NAPG: variants seen among roughly 807,000 people sequenced by gnomAD.
NAPG encodes the protein NSF attachment protein gamma.
A neutral mutation model predicts 48.4 loss-of-function variants in NAPG; 25 were observed. The observed-to-expected ratio is 0.52, with a 90% CI of 0.38 to 0.72. NAPG has a LOEUF of 0.72. Ranked by LOEUF, NAPG falls within the 30% of genes least tolerant of loss-of-function variation. The pLI, the probability that NAPG is intolerant of heterozygous loss-of-function variation, is 0.00. For synonymous variants in NAPG, 139 were observed against 127.2 expected (o/e 1.09, Z -0.62); for missense variants, 359 against 372.5 (o/e 0.96, Z 0.30).
At chr18:10,541,340 T>G (rs1360146817) in intron 8 of NAPG, among the ~76,000 whole-genome samples, 1 of 152,182 alleles carries the variant, frequency 6.6e-6, no homozygotes, top group Non-Finnish European at 1.5e-5. Flanking sequence ...GAAGGAAAGT[T>G]TAATTTAAAT....
chr18:10,537,478 G>A (rs1377172884), intron 5 of NAPG, among the ~76,000 whole-genome samples: 1 of 152,162 alleles, frequency 6.6e-6, no homozygotes, highest in African/African-American at 2.4e-5. Context: ...GGCTGAGGAG[G>A]AGGAAGAGGA....
At position 10,539,697 on chromosome 18, in the gene NAPG, T is replaced by G. The variant is rs1317347577; in HGVS notation, c.259-65T>G. The G allele has an allele frequency of 1.0e-5, 13 of 1,249,000 alleles. No individual in the cohort carries two copies. Among genetic ancestry groups the G allele is most frequent in the Non-Finnish European group, 1.5e-5 (13 of 859,844 alleles). The allele number at this position is 1,249,000 out of a possible 1,614,324, so 77.4% of individuals were successfully genotyped here. A position where few individuals can be genotyped will look rare whatever the true frequency, so the allele number is the denominator to read the frequency against. ...AATAAAAAATAATTGCATTTCAGATTGTTAACTCTGTTTTTCTTTAATTGA... is the reference window on the plus strand; with the variant it reads ...AATAAAAAATAATTGCATTTCAGATGGTTAACTCTGTTTTTCTTTAATTGA... On this transcript the variant is annotated intron_variant, in intron 5 of 11. Coordinates refer to ENST00000322897, the MANE Select transcript of NAPG (RefSeq NM_003826.3). The surrounding 1 kb of genome is among the most constrained non-coding windows in gnomAD (Gnocchi z 4.7).
At chr18:10,547,427 C>T (rs974840336) in intron 9 of NAPG, among the ~76,000 whole-genome samples, 5 of 152,150 alleles carry the variant, frequency 3.3e-5, no homozygotes, top group African/African-American at 1.2e-4. Context: ...CTGATGGCAA[C>T]CCGGCAGTGA....
intron 11 of NAPG, among the ~76,000 whole-genome samples, chr18:10,549,602 A>T (rs1452956157): frequency 6.6e-6 from 1 of 152,224 alleles, no homozygotes; most frequent in Non-Finnish European, 1.5e-5. Context: ...TACATTAGTC[A>T]GTGTGTGAGA....
At chr18:10,532,380 T>C (rs950311577) in intron 2 of NAPG, among the ~76,000 whole-genome samples, 1 of 152,208 alleles carries the variant, frequency 6.6e-6, no homozygotes, top group Non-Finnish European at 1.5e-5. Flanking sequence ...GTGCTGTCTT[T>C]TGTGACTGAA....
At chr18:10,547,118 G>A (rs2032284509) in intron 9 of NAPG, among the ~76,000 whole-genome samples, 1 of 152,220 alleles carries the variant, frequency 6.6e-6, no homozygotes, top group African/African-American at 2.4e-5. Context: ...GCAGCGCAAA[G>A]CTTGGAGAGC....
chr18:10,533,483 A>T, intron 3 of NAPG, 53 bp from the exon 4 acceptor site: 1 of 1,512,168 alleles, frequency 6.6e-7, no homozygotes, highest in Non-Finnish European at 9.0e-7. Flanking sequence ...ATCTATAGAA[A>T]CTATTGATTT....
At position 10,539,799 on chromosome 18, in the gene NAPG, A is replaced by T. The variant is rs747839759; in HGVS notation, c.296A>T (p.Glu99Val). Reference sequence around the variant, plus strand: ...CTACCAGAGGCCGTTCAGCTAATTGAGAAGGCCAGCATGATGTATCTAGAA... The same window carrying T: ...CTACCAGAGGCCGTTCAGCTAATTGTGAAGGCCAGCATGATGTATCTAGAA... ...QKLPEAVQLI[E>V]KASMMYLENG... The change falls in exon 6 of 12, where the codon GAG becomes GTG. Residue 99 changes from glutamate to valine, a missense_variant. Glu to Val is a moderately radical substitution (Grantham distance 121, BLOSUM62 -2). Transcript: ENST00000322897. The surrounding 1 kb of genome is among the most constrained non-coding windows in gnomAD (Gnocchi z 4.7). The T allele has an allele frequency of 1.2e-6, 2 of 1,614,032 alleles. No individual in the cohort carries two copies. Among genetic ancestry groups the T allele is most frequent in the South Asian group, 2.2e-5 (2 of 91,088 alleles).
chr18:10,530,812 T>G lies in NAPG; in HGVS notation c.99T>G (p.Ser33Arg). 1.3e-6 allele frequency: 2 copies of G among 1,587,186 alleles called. No individual in the cohort carries two copies. Among genetic ancestry groups the G allele is most frequent in the African/African-American group, 1.4e-5 (1 of 73,876 alleles). ...GFLKWKPDYD[S>R]AASEYGKAAV... ...TAAAATGGAAGCCAGATTATGACAG[T>G]GCCGCTTCTGAATATGGAAAAGCAG... The change falls in exon 2 of 12, where the codon AGT becomes AGG. Residue 33 changes from serine to arginine, a missense_variant. Transcript: ENST00000322897.
chr18:10,536,856 A>C (rs1274432834), intron 5 of NAPG, among the ~76,000 whole-genome samples: 1 of 152,126 alleles, frequency 6.6e-6, no homozygotes, highest in African/African-American at 2.4e-5. Flanking sequence ...GAGGAAATAC[A>C]GTTGACCCTT....
chr18:10,535,629 C>T (rs371845647), intron 5 of NAPG, among the ~76,000 whole-genome samples: 30 of 152,140 alleles, frequency 2.0e-4, no homozygotes, highest in African/African-American at 6.7e-4. Flanking sequence ...GGCATGGTGG[C>T]GGGCGCCTGT....
At chr18:10,529,745 C>G (rs983871592) in intron 1 of NAPG, among the ~76,000 whole-genome samples, 51 of 151,998 alleles carry the variant, frequency 3.4e-4, no homozygotes, top group Admixed American at 3.3e-3. Context: ...AGAGCGAGAC[C>G]CTATCTCAAG....
intron 8 of NAPG, among the ~76,000 whole-genome samples, chr18:10,541,028 A>G (rs1398565164): frequency 1.3e-5 from 2 of 152,156 alleles, no homozygotes; most frequent in African/African-American, 2.4e-5. Context: ...AATTTGTCCA[A>G]AGCTTCCCAG....
At position 10,546,967 on chromosome 18, in the gene NAPG, A is replaced by G. The variant is rs2032280322; in HGVS notation, c.585+563A>G. Among the ~76,000 whole-genome samples, 1 of 152,198 alleles carries G rather than the reference A, an allele frequency of 6.6e-6. No homozygotes were observed. Among genetic ancestry groups the G allele is most frequent in the Non-Finnish European group, 1.5e-5 (1 of 68,034 alleles). ...GACCCCAGTCTCTTTTGCCAGAGGA[A>G]CTAGGAAAATGAGCTAGAGAGCAAG... On this transcript the variant is annotated intron_variant, in intron 9 of 11. Transcript: ENST00000322897. This position sits in a 1 kb window ranked among gnomAD's most constrained non-coding sequence, Gnocchi z 4.0.
chr18:10,536,043 GT>G (rs1029601865), intron 5 of NAPG, among the ~76,000 whole-genome samples: 1 of 152,152 alleles, frequency 6.6e-6, no homozygotes, highest in South Asian at 2.1e-4. Flanking sequence ...CTTCATGCCT[GT>G]TTAAGAAATG....
intron 2 of NAPG, 77 bp downstream of exon 2, chr18:10,530,914 T>TA: frequency 8.8e-7 from 1 of 1,135,830 alleles, no homozygotes; most frequent in East Asian, 2.8e-5. Flanking sequence ...CCATAATACT[T>TA]ACTCATATGC....
chr18:10,536,760 A>T (rs2032041405), intron 5 of NAPG, among the ~76,000 whole-genome samples: 1 of 152,114 alleles, frequency 6.6e-6, no homozygotes, highest in African/African-American at 2.4e-5. Context: ...CATGACGAAT[A>T]GTTCCTGTGG....
In NAPG at chr18:10,534,517, ATTG is replaced by A. The variant is rs774136382; in HGVS notation, c.258+26_258+28del. 1 of 1,611,138 alleles carries A rather than the reference ATTG, an allele frequency of 6.2e-7. No individual in the cohort carries two copies. Among genetic ancestry groups the A allele is most frequent in the Admixed American group, 1.7e-5 (1 of 59,994 alleles). On this transcript the variant is annotated intron_variant, in intron 5 of 11. Coordinates refer to ENST00000322897, the MANE Select transcript of NAPG (RefSeq NM_003826.3). This position sits in a 1 kb window ranked among gnomAD's most constrained non-coding sequence, Gnocchi z 5.0. ...TGAAGGTCAGTAATGTTATGTCACA[ATTG>A]TTGTGTAGGTAAAATGAATTAACTA... is the stretch of plus-strand genomic sequence containing the variant.
intron 1 of NAPG, chr18:10,526,844 C>G (rs544127365): frequency 1.3e-5 from 2 of 152,448 alleles, no homozygotes; most frequent in African/African-American, 4.8e-5. Context: ...GCCTCTTCCC[C>G]CCGTTTCATT....
Sources: gnomAD v4.1 joint callset for allele counts (sites outside exome capture counted in the v4.1 genomes callset) on GRCh38, gnomAD v4.1.1 for gene constraint, Gnocchi (gnomAD v3.1) non-coding constraint, MANE v1.5 for transcripts, NCBI Gene and HGNC (gene_info 2026-07-23, HGNC 2026-07-21) for gene names.